The following MRNIP variants were observed in gnomAD, a reference collection of about 807,000 sequenced individuals.
MRNIP encodes MRN complex interacting protein, also known as MRN complex-interacting protein.
MRNIP carries 30 observed loss-of-function variants against 29.8 expected under a neutral mutation model. That is an observed-to-expected ratio of 1.01 (90% CI 0.75 to 1.36). The LOEUF is 1.36. MRNIP is among the 40% of genes most tolerant of loss of function. MRNIP has a pLI of 0.00. For synonymous variants in MRNIP, 201 were observed against 164.1 expected (o/e 1.23, Z -1.72); for missense variants, 459 against 423.5 (o/e 1.08, Z -0.74).
At chr5:179,844,305 C>A (rs1759035567) in intron 3 of MRNIP, 78 bp from the exon 4 acceptor site, 1 of 1,229,528 alleles carries the variant, frequency 8.1e-7, no homozygotes, top group African/African-American at 1.5e-5. Context: ...GTAATCCCAG[C>A]ACTTTGGGAG....
intron 2 of MRNIP, among the ~76,000 whole-genome samples, chr5:179,853,038 T>C (rs929285726): frequency 6.6e-6 from 1 of 152,244 alleles, no homozygotes; most frequent in South Asian, 2.1e-4. Context: ...TTTTAAATTA[T>C]GCAGATGCAT....
chr5:179,843,085 G>A (rs1009314098), intron 4 of MRNIP, among the ~76,000 whole-genome samples: 8 of 141,224 alleles, frequency 5.7e-5, no homozygotes, highest in South Asian at 2.3e-4. Context: ...GAGGGAGGCA[G>A]GCAAGCAGGC....
At chr5:179,844,408 T>C (rs1249699288) in intron 3 of MRNIP, 181 bp from the exon 4 acceptor site, 4 of 521,710 alleles carry the variant, frequency 7.7e-6, no homozygotes, top group South Asian at 2.2e-5. Flanking sequence ...CTCAGGAGGC[T>C]GAGGCAGATA....
At chr5:179,851,701 A>G (rs1313816849) in intron 2 of MRNIP, among the ~76,000 whole-genome samples, 1 of 152,080 alleles carries the variant, frequency 6.6e-6, no homozygotes, top group Middle Eastern at 3.2e-3. Flanking sequence ...AATATCAGCC[A>G]GGCACGGTGG....
At chr5:179,841,839 A>G in intron 5 of MRNIP, 68 bp downstream of exon 5, 1 of 1,514,886 alleles carries the variant, frequency 6.6e-7, no homozygotes, top group African/African-American at 1.4e-5. Context: ...ACAGTGGCTC[A>G]CTGGTGCCCC....
intron 1 of MRNIP, among the ~76,000 whole-genome samples, chr5:179,854,134 T>C (rs1019637235): frequency 7.3e-5 from 11 of 151,528 alleles, no homozygotes; most frequent in African/African-American, 1.5e-4. Context: ...CATTCTCCTG[T>C]GTCAGCCTCC....
rs1758629017 is a variant in MRNIP, at chr5:179,837,360, G to T, written c.*31C>A. 1.3e-6 allele frequency: 2 copies of T among 1,581,676 alleles called. No homozygotes were observed. Among genetic ancestry groups the T allele is most frequent in the African/African-American group, 1.4e-5 (1 of 73,940 alleles). ...GGGAACCCTGTCCCTCCTAACAAGTGTATCTCGATTAATAACCTGCCAGTC... is the reference window on the plus strand; with the variant it reads ...GGGAACCCTGTCCCTCCTAACAAGTTTATCTCGATTAATAACCTGCCAGTC... On this transcript the variant is annotated 3_prime_UTR_variant, in exon 7 of 7. Coordinates refer to ENST00000292586, the MANE Select transcript of MRNIP (RefSeq NM_016175.4).
At chr5:179,847,021 C>A (rs1339565195) in intron 3 of MRNIP, 1 of 152,130 alleles carries the variant, frequency 6.6e-6, no homozygotes, top group Admixed American at 6.6e-5. Context: ...TGGATTTTGG[C>A]TTCTACATTT....
intron 2 of MRNIP, among the ~76,000 whole-genome samples, chr5:179,850,429 G>A (rs6883240): frequency 1.3e-5 from 2 of 152,146 alleles, no homozygotes; most frequent in African/African-American, 2.4e-5. Context: ...CACACTATAC[G>A]TGTCCAGTGT....
chr5:179,844,005 A>T, intron 4 of MRNIP, 147 bp downstream of exon 4: 1 of 671,080 alleles, frequency 1.5e-6, no homozygotes. Flanking sequence ...AGGTTTATTT[A>T]TTTTTGTGTT....
In MRNIP at chr5:179,843,081, G is replaced by GGCAGGCAA. The variant is rs146873343; in HGVS notation, c.292-1025_292-1018dup. On this transcript the variant is annotated intron_variant, in intron 4 of 6. Transcript: ENST00000292586. ...AGGAAGGGAGGGAGGGAGGGAGGGA[G>GGCAGGCAA]GCAGGCAAGCAGGCAAGCAGAAGTG... 6.2e-3 allele frequency among the ~76,000 whole-genome samples: 907 copies of GGCAGGCAA among 146,176 alleles called. 7 individuals are homozygous for GGCAGGCAA. The highest frequency in any genetic ancestry group is 0.011 in the Non-Finnish European group (690 of 65,534).
chr5:179,840,617 C>T (rs943897853), intron 6 of MRNIP: 1 of 569,496 alleles, frequency 1.8e-6, no homozygotes, highest in Non-Finnish European at 3.1e-6. Context: ...TGCTGGCCAA[C>T]CTCAGTTTCT....
intron 4 of MRNIP, among the ~76,000 whole-genome samples, chr5:179,842,758 C>A (rs866431524): frequency 6.4e-5 from 9 of 141,172 alleles, no homozygotes; most frequent in African/African-American, 2.4e-4. Flanking sequence ...CATGGCCAGG[C>A]GCGGTGGCTC....
chr5:179,842,363 T>TA (rs1758915959), intron 4 of MRNIP, among the ~76,000 whole-genome samples: 1 of 151,594 alleles, frequency 6.6e-6, no homozygotes, highest in Non-Finnish European at 1.5e-5. Flanking sequence ...CCCAGTCTTA[T>TA]AAAAAATAGC....
At chr5:179,845,019 CTTAA>C (rs1759071161) in intron 3 of MRNIP, among the ~76,000 whole-genome samples, 1 of 152,286 alleles carries the variant, frequency 6.6e-6, no homozygotes, top group South Asian at 2.1e-4. Context: ...GCCCCATTCT[CTTAA>C]TTATCTTTTG....
In MRNIP at chr5:179,841,873, T is replaced by C. The variant is rs375234824; in HGVS notation, c.449+34A>G. 6 of 1,607,978 alleles carry C rather than the reference T, an allele frequency of 3.7e-6. No homozygotes were observed. The African/African-American group carries it at 4.0e-5, about 11-fold the overall frequency. On this transcript the variant is annotated intron_variant, in intron 5 of 6. Coordinates refer to ENST00000292586, the MANE Select transcript of MRNIP (RefSeq NM_016175.4). ...CCACTGCTGGAGGCAGCAGAGGCCC[T>C]GGGCCAGGGCTGGAACGGAGACGCA...
Position 179,853,818 on chromosome 5 carries a change from A to AT in MRNIP, c.67-382dup, listed in dbSNP as rs968276137. 3.2e-4 allele frequency among the ~76,000 whole-genome samples: 47 copies of AT among 148,004 alleles called. No individual in the cohort carries two copies. In the East Asian group the frequency reaches 5.3e-3, roughly 17 times the overall value. On this transcript the variant is annotated intron_variant, in intron 1 of 6. Transcript: ENST00000292586. ...AAAAACAAATGGAATTGGATCTGAAATTTTTTTTTTTTAAATCCCAAGTAG... is the reference window on the plus strand; with the variant it reads ...AAAAACAAATGGAATTGGATCTGAAATTTTTTTTTTTTTAAATCCCAAGTAG...
chr5:179,855,765 A>G lies in MRNIP; in HGVS notation c.67-2328T>C, dbSNP rs190921266. ...CATGAGGTTTTCGGGGGAAGTATCCAAAAGGATTCTAAGGAGGACAATGAG... is the reference window on the plus strand; with the variant it reads ...CATGAGGTTTTCGGGGGAAGTATCCGAAAGGATTCTAAGGAGGACAATGAG... On this transcript the variant is annotated intron_variant, in intron 1 of 6. Transcript: ENST00000292586. 9.2e-4 allele frequency among the ~76,000 whole-genome samples: 140 copies of G among 152,312 alleles called. 1 individual carries two copies. Among genetic ancestry groups the G allele is most frequent in the African/African-American group, 3.2e-3 (131 of 41,580 alleles).
At chr5:179,841,210 C>T (rs1045360171) in intron 5 of MRNIP, 3 of 512,028 alleles carry the variant, frequency 5.9e-6, no homozygotes, top group Admixed American at 7.1e-5. Flanking sequence ...CAATGGCTCA[C>T]TGCCGCCTTG....
Sources: gnomAD v4.1 joint callset for allele counts (sites outside exome capture counted in the v4.1 genomes callset) on GRCh38, gnomAD v4.1.1 for gene constraint, MANE v1.5 for transcripts, NCBI Gene and HGNC (gene_info 2026-07-23, HGNC 2026-07-21) for gene names.